Variants in VTA1 observed in about 807,000 individuals in gnomAD.
The protein encoded by VTA1 is vacuolar protein sorting-associated protein VTA1 homolog.
A neutral mutation model predicts 36.9 loss-of-function variants in VTA1; 24 were observed. The ratio of observed to expected loss-of-function variants is 0.65; its 90% CI spans 0.47 to 0.91. VTA1 has a LOEUF of 0.91. VTA1 is among the 40% of genes least tolerant of loss of function. The pLI, the probability that VTA1 is intolerant of heterozygous loss-of-function variation, is 0.00. For synonymous variants in VTA1, 142 were observed against 130.2 expected (o/e 1.09, Z -0.62); for missense variants, 393 against 377.2 (o/e 1.04, Z -0.35).
At chr6:142,202,568 A>AAACT (rs1775709242) in intron 6 of VTA1, among the ~76,000 whole-genome samples, 1 of 152,028 alleles carries the variant, frequency 6.6e-6, no homozygotes, top group Non-Finnish European at 1.5e-5. Context: ...AAAATGCATA[A>AAACT]AACTAAAGTA....
At position 142,179,393 on chromosome 6, in the gene VTA1, A is replaced by G. The variant is rs186184341; in HGVS notation, c.411+8972A>G. Among the ~76,000 whole-genome samples, 23 of 152,272 alleles carry G rather than the reference A, an allele frequency of 1.5e-4. 1 individual carries two copies. The East Asian group carries it at 4.1e-3, about 27-fold the overall frequency. Reference sequence around the variant, plus strand: ...GTTTTTATCCAAGAAAAATAAAAACATATGTCCTGAAAAAGACTTGTTGAG... The same window carrying G: ...GTTTTTATCCAAGAAAAATAAAAACGTATGTCCTGAAAAAGACTTGTTGAG... On this transcript the variant is annotated intron_variant, in intron 4 of 7. Coordinates refer to ENST00000367630, the MANE Select transcript of VTA1 (RefSeq NM_016485.5).
At chr6:142,174,623 C>T (rs936434576) in intron 4 of VTA1, among the ~76,000 whole-genome samples, 2 of 151,876 alleles carry the variant, frequency 1.3e-5, no homozygotes, top group Non-Finnish European at 2.9e-5. Flanking sequence ...TTTGAGGGGG[C>T]GGGAGCAGAG....
At chr6:142,157,957 T>C (rs1388833317) in intron 1 of VTA1, among the ~76,000 whole-genome samples, 1 of 149,860 alleles carries the variant, frequency 6.7e-6, no homozygotes, top group Non-Finnish European at 1.5e-5. Context: ...TTGTCAGGGC[T>C]GCCCAGTACC....
intron 7 of VTA1, among the ~76,000 whole-genome samples, chr6:142,211,711 T>TA (rs774060786): frequency 0.45 from 32,459 of 72,580 alleles, 5,011 homozygotes; most frequent in East Asian, 0.73. Flanking sequence ...ACTCCATCTC[T>TA]TAAAAAAAAA....
chr6:142,170,903 G>GGT (rs1264291606), intron 4 of VTA1, among the ~76,000 whole-genome samples: 1 of 152,162 alleles, frequency 6.6e-6, no homozygotes, highest in African/African-American at 2.4e-5. Flanking sequence ...TGGAATTACA[G>GGT]GTGTGAACCC....
chr6:142,162,392 G>A (rs942364412), intron 1 of VTA1, among the ~76,000 whole-genome samples: 1 of 152,184 alleles, frequency 6.6e-6, no homozygotes, highest in African/African-American at 2.4e-5. Flanking sequence ...TGGTTAAAAA[G>A]AGAGAAAGAC....
chr6:142,167,649 C>G (rs1207925049), intron 2 of VTA1, among the ~76,000 whole-genome samples: 1 of 152,198 alleles, frequency 6.6e-6, no homozygotes, highest in African/African-American at 2.4e-5. Flanking sequence ...GTAGTGTTCT[C>G]TCTCACTTGG....
intron 2 of VTA1, 66 bp from the exon 3 acceptor site, chr6:142,169,484 G>A (rs1774987573): frequency 1.4e-6 from 2 of 1,462,262 alleles, no homozygotes; most frequent in African/African-American, 1.4e-5. Flanking sequence ...TATTAGAATT[G>A]TTTGTAATTA....
At chr6:142,218,340 A>G (rs568464420) in intron 7 of VTA1, among the ~76,000 whole-genome samples, 158 bp from the exon 8 acceptor site, 2 of 152,352 alleles carry the variant, frequency 1.3e-5, no homozygotes, top group South Asian at 4.1e-4. Flanking sequence ...ATTGAAAAGA[A>G]TGAAGAAAAT....
At chr6:142,204,462 C>T (rs1162294832) in intron 7 of VTA1, among the ~76,000 whole-genome samples, 7 of 152,016 alleles carry the variant, frequency 4.6e-5, no homozygotes, top group Non-Finnish European at 7.4e-5. Context: ...AGGAACTGAC[C>T]ATTATTAAAA....
chr6:142,192,606 A>G (rs769908836), intron 5 of VTA1, among the ~76,000 whole-genome samples: 23 of 152,038 alleles, frequency 1.5e-4, no homozygotes, highest in Non-Finnish European at 2.9e-4. Context: ...ATTGATTCAT[A>G]GTCTGTCCCT....
chr6:142,176,700 A>G (rs898102832), intron 4 of VTA1, among the ~76,000 whole-genome samples: 2 of 152,160 alleles, frequency 1.3e-5, no homozygotes, highest in Non-Finnish European at 2.9e-5. Context: ...TTAAAAAGGC[A>G]TACAGATAGA....
chr6:142,198,113 A>ATGTGTGTG lies in VTA1; in HGVS notation c.521-325_521-324insGTGTGTGT, dbSNP rs1414329840. 1.8e-3 allele frequency among the ~76,000 whole-genome samples: 216 copies of ATGTGTGTG among 116,932 alleles called. 2 individuals are homozygous for ATGTGTGTG. Among genetic ancestry groups the ATGTGTGTG allele is most frequent in the African/African-American group, 7.4e-3 (206 of 27,898 alleles). 76.7% of individuals were successfully genotyped at this position (116,932 alleles called of 152,430 possible). ...CTCCGTCTCAAAAAAAAATATATAT[A>ATGTGTGTG]TATATATGTGTGTGTGTGTGTGTGT... On this transcript the variant is annotated intron_variant, in intron 5 of 7. Coordinates refer to ENST00000367630, the MANE Select transcript of VTA1 (RefSeq NM_016485.5).
At chr6:142,204,769 G>T (rs898713048) in intron 7 of VTA1, among the ~76,000 whole-genome samples, 1 of 152,012 alleles carries the variant, frequency 6.6e-6, no homozygotes, top group African/African-American at 2.4e-5. Context: ...TTTTGAGACA[G>T]TGTGGAGTGC....
At chr6:142,199,549 A>C (rs970990880) in intron 6 of VTA1, among the ~76,000 whole-genome samples, 1 of 144,252 alleles carries the variant, frequency 6.9e-6, no homozygotes, top group Non-Finnish European at 1.6e-5. Context: ...CTTTACTTTT[A>C]TTTGTCAGCC....
chr6:142,184,903 G>A (rs886440833), intron 4 of VTA1, among the ~76,000 whole-genome samples: 1 of 152,144 alleles, frequency 6.6e-6, no homozygotes, highest in Admixed American at 6.5e-5. Flanking sequence ...ATGCTATAAA[G>A]ATGTCAGTCC....
At chr6:142,149,377 A>G (rs551592666) in intron 1 of VTA1, among the ~76,000 whole-genome samples, 1 of 152,336 alleles carries the variant, frequency 6.6e-6, no homozygotes, top group Non-Finnish European at 1.5e-5. Context: ...AATAAAATGA[A>G]CACTAATATG....
rs1776113324 is a variant in VTA1 at position 142,221,703 on chromosome 6, C to T, written c.*3060C>T. 6.6e-6 allele frequency: 1 copy of T among 151,286 alleles called. No individual in the cohort carries two copies. The allele number at this position is 151,286 out of a possible 1,614,324, so 9.4% of individuals were successfully genotyped here. ...GGGCGGTGGTTCGCACCTGCAATCC[C>T]AGCACTTTGGGAGCCAAGGCAGGCG... On this transcript the variant is annotated 3_prime_UTR_variant, in exon 8 of 8. Transcript: ENST00000367630.
chr6:142,213,139 C>T (rs879278011), intron 7 of VTA1, among the ~76,000 whole-genome samples: 9 of 152,218 alleles, frequency 5.9e-5, no homozygotes, highest in Non-Finnish European at 1.2e-4. Flanking sequence ...TTCTGAGATA[C>T]AGTGAGGGTG....
Sources: gnomAD v4.1 joint callset for allele counts (sites outside exome capture counted in the v4.1 genomes callset) on GRCh38, gnomAD v4.1.1 for gene constraint, MANE v1.5 for transcripts, NCBI Gene and HGNC (gene_info 2026-07-23, HGNC 2026-07-21) for gene names.